The following SMARCD2 variants were observed in gnomAD, a reference collection of about 807,000 sequenced individuals.
The protein encoded by SMARCD2 is SWI/SNF-related matrix-associated actin-dependent regulator of chromatin subfamily D member 2.
A neutral mutation model predicts 70.4 loss-of-function variants in SMARCD2; 39 were observed. The observed-to-expected ratio is 0.55, with a 90% confidence interval of 0.43 to 0.72. SMARCD2 has a LOEUF of 0.72. Ranked by LOEUF, SMARCD2 falls within the 30% of genes least tolerant of loss-of-function variation. The probability of loss-of-function intolerance (pLI) is 0.00; values close to 1 mark genes in which losing one functional copy is unlikely to be tolerated. For synonymous variants in SMARCD2, 249 were observed against 279.4 expected, an observed-to-expected ratio of 0.89 and a Z score of 1.08; for missense variants, 540 against 713.4, an observed-to-expected ratio of 0.76 and a Z score of 2.77.
Position 63,832,882 on chromosome 17 carries a change from C to G in SMARCD2, c.*56G>C, listed in dbSNP as rs2040210000. On this transcript the variant is annotated 3_prime_UTR_variant, in exon 13 of 13. Transcript: ENST00000448276. ...TACGTGTCTGCGGCCCCAGCAAGGA[C>G]CCAGAGGGTGGTCTCCCTCCAGGCT... 2.7e-6 allele frequency: 4 copies of G among 1,498,476 alleles called. No individual in the cohort carries two copies. Among genetic ancestry groups the G allele is most frequent in the Non-Finnish European group, 3.6e-6 (4 of 1,100,306 alleles). 92.8% of individuals were successfully genotyped at this position (1,498,476 alleles called of 1,614,324 possible).
In SMARCD2 at chr17:63,834,657, C is replaced by G. The variant is rs372210462; in HGVS notation, c.819+48G>C. On this transcript the variant is annotated intron_variant, in intron 6 of 12. Coordinates refer to ENST00000448276, the MANE Select transcript of SMARCD2 (RefSeq NM_001098426.2). The surrounding 1 kb of genome is among the most constrained non-coding windows in gnomAD (Gnocchi z 5.6). ...TCCCAAGGGCCCTGAGGCCATTTCC[C>G]TGCCAAACCTGCACATCAGCCTGCT... 7.2e-5 allele frequency: 113 copies of G among 1,579,110 alleles called. No homozygotes were observed. The highest frequency in any genetic ancestry group is 6.6e-4 in the Middle Eastern group (4 of 6,024).
chr17:63,838,485 G>C (rs1253645302), intron 1 of SMARCD2: 2 of 885,216 alleles, frequency 2.3e-6, no homozygotes, highest in Non-Finnish European at 3.2e-6. Context: ...TGTAGCCCTG[G>C]CAATCCCAAG....
chr17:63,841,555 G>C (rs551884152), intron 1 of SMARCD2, among the ~76,000 whole-genome samples: 3 of 152,270 alleles, frequency 2.0e-5, no homozygotes, highest in African/African-American at 4.8e-5. Flanking sequence ...CTGAACAGCA[G>C]ACTAGAGCAC....
chr17:63,835,635 TCTC>T, intron 4 of SMARCD2, 68 bp from the exon 5 acceptor site: 2 of 1,490,478 alleles, frequency 1.3e-6, no homozygotes, highest in Non-Finnish European at 1.9e-6. Context: ...TACCGCATCT[TCTC>T]ATATGAACCA....
Position 63,834,955 on chromosome 17 carries a change from T to A in SMARCD2, c.724-155A>T. On this transcript the variant is annotated intron_variant, in intron 5 of 12. Coordinates refer to ENST00000448276, the MANE Select transcript of SMARCD2 (RefSeq NM_001098426.2). The surrounding 1 kb of genome is among the most constrained non-coding windows in gnomAD (Gnocchi z 5.6). ...GATGGAAGCAGGACTCTGGGCAGAC[T>A]GGAGGCAGGGAAATGGTGCCCTCTT... 3.2e-6 allele frequency: 2 copies of A among 616,610 alleles called. No individual in the cohort carries two copies. The highest frequency in any genetic ancestry group is 5.7e-6 in the Non-Finnish European group (2 of 349,336). The allele number at this position is 616,610 out of a possible 1,614,324, so 38.2% of individuals were successfully genotyped here.
chr17:63,840,951 G>A (rs548495144), intron 1 of SMARCD2, among the ~76,000 whole-genome samples: 3 of 152,226 alleles, frequency 2.0e-5, no homozygotes, highest in African/African-American at 4.8e-5. Flanking sequence ...CTCAGGGGCT[G>A]TCCCAAGGGC....
In SMARCD2 at chr17:63,834,877, A is replaced by G; in HGVS notation, c.724-77T>C. Reference sequence around the variant, plus strand: ...GCTATGCTAAATCCCAAGAAAGAGAAGCCCCATTTCAGCCCTGGAGCTCCG... The same window carrying G: ...GCTATGCTAAATCCCAAGAAAGAGAGGCCCCATTTCAGCCCTGGAGCTCCG... On this transcript the variant is annotated intron_variant, in intron 5 of 12. Transcript: ENST00000448276. This position sits in a 1 kb window ranked among gnomAD's most constrained non-coding sequence, Gnocchi z 5.6. 1 of 1,071,606 alleles carries G rather than the reference A, an allele frequency of 9.3e-7. No homozygotes were observed. Among genetic ancestry groups the G allele is most frequent in the Admixed American group, 1.8e-5 (1 of 56,432 alleles). 66.4% of individuals were successfully genotyped at this position (1,071,606 alleles called of 1,614,324 possible).
In SMARCD2 at chr17:63,832,849, C is replaced by G; in HGVS notation, c.*89G>C. On this transcript the variant is annotated 3_prime_UTR_variant, in exon 13 of 13. Transcript: ENST00000448276. ...AGAGGGTGACAGCAGACACTCCTCA[C>G]CCCAGCCTACGTGTCTGCGGCCCCA... The G allele has an allele frequency of 9.0e-7, 1 of 1,112,218 alleles. No homozygotes were observed. Among genetic ancestry groups the G allele is most frequent in the Non-Finnish European group, 1.3e-6 (1 of 748,146 alleles). The allele number at this position is 1,112,218 out of a possible 1,614,324, so 68.9% of individuals were successfully genotyped here. A position where few individuals can be genotyped will look rare whatever the true frequency, so the allele number is the denominator to read the frequency against.
chr17:63,842,259 C>T (rs545419917), intron 1 of SMARCD2, 200 bp downstream of exon 1: 4 of 961,980 alleles, frequency 4.2e-6, no homozygotes, highest in South Asian at 4.2e-5. Context: ...CTGCTTCCAG[C>T]CCTCCGCTGC....
chr17:63,840,844 T>C (rs996441159), intron 1 of SMARCD2, among the ~76,000 whole-genome samples: 1 of 152,230 alleles, frequency 6.6e-6, no homozygotes, highest in African/African-American at 2.4e-5. Context: ...CATCTCCTAC[T>C]TCCGCACAGC....
intron 4 of SMARCD2, chr17:63,836,668 C>G (rs570689103): frequency 3.3e-4 from 125 of 382,692 alleles, no homozygotes; most frequent in African/African-American, 2.5e-3. Context: ...TTATCAGAAA[C>G]AAAAATGTCA....
At chr17:63,842,365 TC>T in intron 1 of SMARCD2, 93 bp downstream of exon 1, 1 of 1,201,956 alleles carries the variant, frequency 8.3e-7, no homozygotes, top group South Asian at 2.2e-5. Context: ...CCTCATGCAT[TC>T]CCCAGGGCCC....
chr17:63,842,336 T>G (rs1904500864), intron 1 of SMARCD2, 123 bp downstream of exon 1: 1 of 1,182,790 alleles, frequency 8.5e-7, no homozygotes, highest in East Asian at 4.4e-5. Flanking sequence ...CGGCCCGCCC[T>G]CCACCGTCTC....
Position 63,834,933 on chromosome 17 carries a change from G to A in SMARCD2, c.724-133C>T, listed in dbSNP as rs2040245878. 3.7e-5 allele frequency: 25 copies of A among 676,062 alleles called. 1 individual carries two copies. In the South Asian group the frequency reaches 4.5e-4, roughly 12 times the overall value. 41.9% of individuals were successfully genotyped at this position (676,062 alleles called of 1,614,324 possible). On this transcript the variant is annotated intron_variant, in intron 5 of 12. Transcript: ENST00000448276. The surrounding 1 kb of genome is among the most constrained non-coding windows in gnomAD (Gnocchi z 5.6). ...TGAAGATTCCTGGGCCCTGAAGGATGGAAGCAGGACTCTGGGCAGACTGGA... is the reference window on the plus strand; with the variant it reads ...TGAAGATTCCTGGGCCCTGAAGGATAGAAGCAGGACTCTGGGCAGACTGGA...
In SMARCD2 at chr17:63,837,149, A is replaced by C; in HGVS notation, c.444+46T>G. The C allele has an allele frequency of 1.2e-6, 2 of 1,609,470 alleles. No homozygotes were observed. Among genetic ancestry groups the C allele is most frequent in the Non-Finnish European group, 1.7e-6 (2 of 1,175,998 alleles). ...TTTGAGAGAGATGGACACCCACCCCAAGGTGGCCACTGGGCAGGCCTCCCA... is the reference window on the plus strand; with the variant it reads ...TTTGAGAGAGATGGACACCCACCCCCAGGTGGCCACTGGGCAGGCCTCCCA... On this transcript the variant is annotated intron_variant, in intron 3 of 12. Coordinates refer to ENST00000448276, the MANE Select transcript of SMARCD2 (RefSeq NM_001098426.2). This position sits in a 1 kb window ranked among gnomAD's most constrained non-coding sequence, Gnocchi z 6.4.
intron 1 of SMARCD2, among the ~76,000 whole-genome samples, chr17:63,840,423 C>G (rs1904415335): frequency 6.6e-6 from 1 of 151,606 alleles, no homozygotes; most frequent in African/African-American, 2.4e-5. Context: ...ATCCTTCTGT[C>G]TGGGCCTCCC....
At position 63,842,635 on chromosome 17, in the gene SMARCD2, G is replaced by C. The variant is rs1367715000; in HGVS notation, c.40C>G (p.Leu14Val). Residue 14 changes from leucine (L) to valine (V), a missense_variant, in exon 1 of 13, where the codon CTA becomes GTA. Leu to Val is a conservative substitution (Grantham distance 32, BLOSUM62 1). Coordinates refer to ENST00000448276, the MANE Select transcript of SMARCD2 (RefSeq NM_001098426.2). ...GCCACGGCGCCGCCGCCAGGGCTTA[G>C]CGGGGGCAGCGGGAACCCGCCCGCG... ...RGAGGFPLPP[L>V]SPGGGAVAAA... The C allele has an allele frequency of 8.0e-7, 1 of 1,257,414 alleles. No individual in the cohort carries two copies. The allele number at this position is 1,257,414 out of a possible 1,614,324, so 77.9% of individuals were successfully genotyped here.
Position 63,832,104 on chromosome 17 carries a change from G to C in SMARCD2, c.*834C>G. On this transcript the variant is annotated 3_prime_UTR_variant, in exon 13 of 13. Coordinates refer to ENST00000448276, the MANE Select transcript of SMARCD2 (RefSeq NM_001098426.2). Reference sequence around the variant, plus strand: ...ACCAATAGACAAAAGGATTTATTTGGAAATTTCCAAACCTGCCAGATGTGG... The same window carrying C: ...ACCAATAGACAAAAGGATTTATTTGCAAATTTCCAAACCTGCCAGATGTGG... 1.0e-6 allele frequency: 1 copy of C among 959,936 alleles called. No homozygotes were observed. Among genetic ancestry groups the C allele is most frequent in the Non-Finnish European group, 1.6e-6 (1 of 630,046 alleles). The allele number at this position is 959,936 out of a possible 1,614,324, so 59.5% of individuals were successfully genotyped here.
rs752781616 is a variant in SMARCD2, at chr17:63,834,447, C to T, written c.921+27G>A. 7 of 1,557,918 alleles carry T rather than the reference C, an allele frequency of 4.5e-6. No individual in the cohort carries two copies. The East Asian group carries it at 1.1e-4, about 25-fold the overall frequency. On this transcript the variant is annotated intron_variant, in intron 7 of 12. Coordinates refer to ENST00000448276, the MANE Select transcript of SMARCD2 (RefSeq NM_001098426.2). The surrounding 1 kb of genome is among the most constrained non-coding windows in gnomAD (Gnocchi z 5.6). ...CCCTCCTGAGGGGTCCCTGTGGGCC[C>T]AGAAATGACCCCAGGGTCTCTGTCA...
Sources: allele counts gnomAD v4.1 joint callset (sites outside exome capture counted in the v4.1 genomes callset), GRCh38; gene constraint gnomAD v4.1.1; non-coding constraint Gnocchi (gnomAD v3.1); transcripts MANE v1.5; gene names NCBI Gene and HGNC (gene_info 2026-07-23, HGNC 2026-07-21).